The following PADI6 variants were observed in gnomAD, a reference collection of about 807,000 sequenced individuals.
PADI6 encodes the protein peptidyl arginine deiminase 6, also known as inactive protein-arginine deiminase type-6.
Under a neutral mutation model 78.2 loss-of-function variants are expected in PADI6, and 66 were observed. That is an observed-to-expected ratio of 0.84 (90% CI 0.69 to 1.04). The LOEUF (loss-of-function observed/expected upper bound fraction) is 1.04, where lower values mean the gene tolerates loss of function less well. Ranked by LOEUF, PADI6 falls within the 50% of genes least tolerant of loss-of-function variation. PADI6 has a pLI of 0.00. For missense variants in PADI6, 854 were observed against 866.1 expected (o/e 0.99, Z 0.18); for synonymous variants, 397 against 346.9 (o/e 1.14, Z -1.60).
chr1:17,396,701 T>C (rs1175563947), intron 13 of PADI6, among the ~76,000 whole-genome samples: 2 of 151,996 alleles, frequency 1.3e-5, no homozygotes, highest in East Asian at 1.9e-4. Flanking sequence ...ACAAAGGTAA[T>C]GTAACCTGGA....
intron 6 of PADI6, among the ~76,000 whole-genome samples, chr1:17,386,824 C>G (rs887318456): frequency 6.6e-6 from 1 of 152,166 alleles, no homozygotes; most frequent in African/African-American, 2.4e-5. Context: ...AGCAAGAGGC[C>G]GAGGACCCAG....
At chr1:17,393,901 A>C in intron 9 of PADI6, 74 bp from the exon 10 acceptor site, 1 of 1,361,332 alleles carries the variant, frequency 7.3e-7, no homozygotes, top group Non-Finnish European at 1.0e-6. Context: ...GGGGGTTCTT[A>C]CCGTACCTTT....
intron 4 of PADI6, among the ~76,000 whole-genome samples, chr1:17,380,388 G>T (rs1192926518): frequency 5.9e-5 from 9 of 151,744 alleles, no homozygotes; most frequent in South Asian, 2.1e-4. Flanking sequence ...TTTTTTTTGA[G>T]ACGGAGTCTC....
At chr1:17,374,657 C>T (rs1257170226) in intron 2 of PADI6, among the ~76,000 whole-genome samples, 1 of 152,098 alleles carries the variant, frequency 6.6e-6, no homozygotes, top group Non-Finnish European at 1.5e-5. Flanking sequence ...AGAATGGAGG[C>T]CACGGTGGGT....
rs2075006180 is a variant in PADI6 at position 17,375,470 on chromosome 1, G to A, written c.338G>A (p.Gly113Asp). The change falls in exon 3 of 16, where the codon GGC (glycine) becomes GAC (aspartate). Residue 113 changes from glycine (G) to aspartate (D), a missense_variant. Gly to Asp is a moderately conservative substitution (Grantham distance 94). Transcript: ENST00000619609. ...YYGPNEDAPV[G>D]TAVLYLTGIE... ...GGGCCCAACGAGGATGCCCCCGTGG[G>A]CACAGCTGTGCTGTACCTCACTGGC... 1 of 1,610,010 alleles carries A rather than the reference G, an allele frequency of 6.2e-7. No homozygotes were observed. The highest frequency in any genetic ancestry group is 2.2e-5 in the East Asian group (1 of 44,738).
chr1:17,393,030 C>T (rs567471607), intron 9 of PADI6, among the ~76,000 whole-genome samples: 2 of 152,220 alleles, frequency 1.3e-5, no homozygotes, highest in South Asian at 4.2e-4. Context: ...CCTGTAGTCC[C>T]ACCTACTCTG....
chr1:17,374,068 A>G (rs373657459), intron 2 of PADI6, among the ~76,000 whole-genome samples: 7 of 151,998 alleles, frequency 4.6e-5, no homozygotes, highest in African/African-American at 1.7e-4. Flanking sequence ...CCCCTCTACC[A>G]ATTAAACCTG....
chr1:17,372,874 T>G (rs2074975525), intron 1 of PADI6, among the ~76,000 whole-genome samples, 182 bp from the exon 2 acceptor site: 1 of 146,368 alleles, frequency 6.8e-6, no homozygotes, highest in Admixed American at 6.8e-5. Flanking sequence ...CTGGAGCCCG[T>G]CGGAGAGCAA....
At chr1:17,399,648 G>T (rs775199481) in intron 15 of PADI6, among the ~76,000 whole-genome samples, 5 of 151,302 alleles carry the variant, frequency 3.3e-5, no homozygotes, top group African/African-American at 1.2e-4. Context: ...GTTCTAGTAC[G>T]TTGGGAGGCT....
chr1:17,380,199 T>C (rs2075059362), intron 4 of PADI6, among the ~76,000 whole-genome samples: 1 of 152,196 alleles, frequency 6.6e-6, no homozygotes, highest in Non-Finnish European at 1.5e-5. Context: ...TTTTTGTTTT[T>C]TTTTGTTTGT....
chr1:17,399,855 T>C (rs768533851), intron 15 of PADI6, among the ~76,000 whole-genome samples: 2 of 151,458 alleles, frequency 1.3e-5, no homozygotes, highest in Admixed American at 6.6e-5. Context: ...CCTGCAAACA[T>C]GGTTGAAACT....
chr1:17,380,681 C>A (rs868724977), intron 4 of PADI6, among the ~76,000 whole-genome samples: 7 of 151,950 alleles, frequency 4.6e-5, no homozygotes, highest in African/African-American at 9.7e-5. Context: ...AAAAAAAAAA[C>A]CAGAATGTCT....
intron 6 of PADI6, among the ~76,000 whole-genome samples, 179 bp downstream of exon 6, chr1:17,382,271 T>C (rs11203376): frequency 0.22 from 32,818 of 152,192 alleles, 3,694 homozygotes; most frequent in Middle Eastern, 0.37. Flanking sequence ...ACCTTCCCCA[T>C]AGGCTAAATC....
In PADI6 at chr1:17,372,200, G is replaced by A. The variant is rs371369793; in HGVS notation, c.-46G>A. 201 of 1,551,692 alleles carry A rather than the reference G, an allele frequency of 1.3e-4. 1 individual carries two copies. The African/African-American group carries it at 1.5e-3, about 12-fold the overall frequency. ...GGAAGGGCAGGGTGAGCCCTGGGGCGTCTGAGGCTGCTGTGCTGAGTGAGG... is the reference window on the plus strand; with the variant it reads ...GGAAGGGCAGGGTGAGCCCTGGGGCATCTGAGGCTGCTGTGCTGAGTGAGG... On this transcript the variant is annotated 5_prime_UTR_variant, in exon 1 of 16. Coordinates refer to ENST00000619609, the MANE Select transcript of PADI6 (RefSeq NM_207421.4).
intron 3 of PADI6, among the ~76,000 whole-genome samples, chr1:17,378,206 C>T (rs994587338): frequency 1.3e-5 from 2 of 152,194 alleles, no homozygotes; most frequent in Non-Finnish European, 2.9e-5. Context: ...TCTCCCATAT[C>T]CCTCAGTGCT....
At chr1:17,395,461 C>G in intron 12 of PADI6, 79 bp from the exon 13 acceptor site, 4 of 1,503,786 alleles carry the variant, frequency 2.7e-6, no homozygotes, top group Non-Finnish European at 3.6e-6. Flanking sequence ...GCCTCGGCCT[C>G]CAAAGTGCTG....
Position 17,373,104 on chromosome 1 carries a change from G to A in PADI6, c.165G>A (p.Arg55=). 6.2e-7 allele frequency: 1 copy of A among 1,613,994 alleles called. No individual in the cohort carries two copies. The highest frequency in any genetic ancestry group is 8.5e-7 in the Non-Finnish European group (1 of 1,179,878). The change falls in exon 2 of 16, where the codon AGG becomes AGA. Residue 55 remains arginine, a synonymous_variant. Transcript: ENST00000619609. ...CQCFTIHGSG[R]VLIDVANTVI... is the part of the protein sequence containing the mutation. ...GCTTCACCATCCATGGCTCTGGGAG[G>A]GTCTTGATCGATGTGGCCAACACGG...
chr1:17,401,312 C>T lies in PADI6; in HGVS notation c.1959C>T (p.Pro653=), dbSNP rs765133085. Residue 653 remains proline, a synonymous_variant, in exon 16 of 16, where the codon CCC becomes CCT. Transcript: ENST00000619609. ...AAAAGATTTGCTGCTTGCTGGAGCC[C>T]CTGGGCTTCAAGTGCACCTTCATCA... ...LEEKICCLLE[P]LGFKCTFIND... is the part of the protein sequence containing the mutation. 33 of 1,613,938 alleles carry T rather than the reference C, an allele frequency of 2.0e-5. No homozygotes were observed. The South Asian group carries it at 3.3e-4, about 16-fold the overall frequency.
At chr1:17,378,963 G>C (rs540118815) in intron 3 of PADI6, among the ~76,000 whole-genome samples, 1 of 149,506 alleles carries the variant, frequency 6.7e-6, no homozygotes, top group Non-Finnish European at 1.5e-5. Flanking sequence ...TTTGGGGGGG[G>C]GGACAGAATC....
Sources: gnomAD v4.1 joint callset for allele counts (sites outside exome capture counted in the v4.1 genomes callset) on GRCh38, gnomAD v4.1.1 for gene constraint, MANE v1.5 for transcripts, NCBI Gene and HGNC (gene_info 2026-07-23, HGNC 2026-07-21) for gene names.